The following NSMCE2 variants were observed in gnomAD, a reference collection of about 807,000 sequenced individuals.
NSMCE2 encodes the protein E3 SUMO-protein ligase NSE2.
NSMCE2 carries 24 observed loss-of-function variants against 23.8 expected under a neutral mutation model. The ratio of observed to expected loss-of-function variants is 1.01; its 90% CI spans 0.73 to 1.42. NSMCE2 has a LOEUF of 1.42. Among genes scored for constraint, NSMCE2 ranks in the 40% most tolerant of loss-of-function variants. The probability of loss-of-function intolerance (pLI) is 0.00; values close to 1 mark genes in which losing one functional copy is unlikely to be tolerated. For missense variants in NSMCE2, 284 were observed against 296.5 expected, an observed-to-expected ratio of 0.96 and a Z score of 0.31; for synonymous variants, 92 against 94.1, an observed-to-expected ratio of 0.98 and a Z score of 0.13.
intron 5 of NSMCE2, among the ~76,000 whole-genome samples, chr8:125,297,667 GAA>G (rs766647323): frequency 2.4e-5 from 3 of 122,632 alleles, no homozygotes; most frequent in East Asian, 2.4e-4. Context: ...CTTGTCTCTA[GAA>G]AAAAAAAAAA....
intron 5 of NSMCE2, among the ~76,000 whole-genome samples, chr8:125,215,401 A>C (rs1350076675): frequency 6.6e-6 from 1 of 151,790 alleles, no homozygotes; most frequent in Admixed American, 6.6e-5. Flanking sequence ...ATAGTATTCC[A>C]TGGTGTATAT....
At chr8:125,092,939 G>A (rs1752108563) in intron 1 of NSMCE2, among the ~76,000 whole-genome samples, 1 of 152,162 alleles carries the variant, frequency 6.6e-6, no homozygotes, top group Non-Finnish European at 1.5e-5. Context: ...GGATGCTTAA[G>A]AGCATCCCTG....
intron 5 of NSMCE2, among the ~76,000 whole-genome samples, chr8:125,298,687 G>GTTTT (rs35334691): frequency 2.3e-5 from 2 of 85,950 alleles, no homozygotes; most frequent in African/African-American, 5.2e-5. Flanking sequence ...TCATCTGTGG[G>GTTTT]TTTTTTTTTG....
At chr8:125,209,644 G>A (rs1382243789) in intron 5 of NSMCE2, among the ~76,000 whole-genome samples, 1 of 152,058 alleles carries the variant, frequency 6.6e-6, no homozygotes, top group East Asian at 1.9e-4. Flanking sequence ...GTTAAAATGG[G>A]ATTTAAAACA....
At chr8:125,185,147 A>G (rs77496010) in intron 5 of NSMCE2, among the ~76,000 whole-genome samples, 3,609 of 152,286 alleles carry the variant, frequency 0.024, 125 homozygotes, top group South Asian at 0.16. Flanking sequence ...GGAGAGGCCA[A>G]GATACAGCTT....
intron 3 of NSMCE2, among the ~76,000 whole-genome samples, chr8:125,133,782 C>CA (rs752957798): frequency 1.2e-3 from 174 of 145,702 alleles, no homozygotes; most frequent in Non-Finnish European, 1.9e-3. Flanking sequence ...AAAACCAAAA[C>CA]AAAAAAAAAG....
At chr8:125,102,815 T>A (rs1362476745) in intron 3 of NSMCE2, among the ~76,000 whole-genome samples, 1 of 152,196 alleles carries the variant, frequency 6.6e-6, no homozygotes, top group Non-Finnish European at 1.5e-5. Context: ...ATGATATTGT[T>A]ATTTTTCAGT....
At chr8:125,151,076 T>C (rs1820993314) in intron 3 of NSMCE2, 95 bp from the exon 4 acceptor site, 1 of 529,006 alleles carries the variant, frequency 1.9e-6, no homozygotes, top group African/African-American at 1.9e-5. Context: ...CAAAATTATT[T>C]AGACCATTGA....
chr8:125,306,779 G>A (rs1015986953), intron 5 of NSMCE2, among the ~76,000 whole-genome samples: 2 of 152,150 alleles, frequency 1.3e-5, no homozygotes, highest in African/African-American at 4.8e-5. Context: ...GGACTGTCTG[G>A]ATTTGAATTC....
At chr8:125,171,443 T>A (rs924590558) in intron 4 of NSMCE2, among the ~76,000 whole-genome samples, 20 of 152,210 alleles carry the variant, frequency 1.3e-4, no homozygotes, top group African/African-American at 4.8e-4. Context: ...TTCAACCCCT[T>A]GTAATTAGAC....
At chr8:125,251,126 T>G (rs1225869405) in intron 5 of NSMCE2, among the ~76,000 whole-genome samples, 1 of 152,188 alleles carries the variant, frequency 6.6e-6, no homozygotes, top group African/African-American at 2.4e-5. Context: ...AGCATAGTGG[T>G]TCCATAATTT....
At chr8:125,108,033 CAAAA>C (rs11292879) in intron 3 of NSMCE2, among the ~76,000 whole-genome samples, 4 of 149,332 alleles carry the variant, frequency 2.7e-5, no homozygotes. Context: ...GAGCCTGTCT[CAAAA>C]AAAAAATAAA....
chr8:125,304,936 AAAGGAAGG>A (rs201027278), intron 5 of NSMCE2, among the ~76,000 whole-genome samples: 4 of 140,994 alleles, frequency 2.8e-5, no homozygotes, highest in Non-Finnish European at 6.0e-5. Flanking sequence ...AGAAGGAAAG[AAAGGAAGG>A]AAGGAAGGAA....
chr8:125,145,060 A>G (rs968173903), intron 3 of NSMCE2, among the ~76,000 whole-genome samples: 2 of 152,232 alleles, frequency 1.3e-5, no homozygotes, highest in Non-Finnish European at 2.9e-5. Context: ...TTATGTAAAT[A>G]TTAGAGCACT....
chr8:125,238,497 A>C (rs958219599), intron 5 of NSMCE2, among the ~76,000 whole-genome samples: 1 of 152,202 alleles, frequency 6.6e-6, no homozygotes, highest in Non-Finnish European at 1.5e-5. Flanking sequence ...CTCTTAAGCA[A>C]ATCCTGGAAT....
At chr8:125,314,145 T>C (rs759746512) in intron 5 of NSMCE2, among the ~76,000 whole-genome samples, 1 of 152,230 alleles carries the variant, frequency 6.6e-6, no homozygotes, top group Non-Finnish European at 1.5e-5. Flanking sequence ...GCAAAGTCTT[T>C]AATGCTTAAG....
intron 7 of NSMCE2, among the ~76,000 whole-genome samples, chr8:125,363,679 GGGAA>G (rs1208370505): frequency 1.3e-5 from 2 of 149,060 alleles, no homozygotes; most frequent in African/African-American, 2.5e-5. Flanking sequence ...CGGGGAGGGA[GGGAA>G]GGAAGGAAGG....
chr8:125,181,060 C>T (rs900979563), intron 4 of NSMCE2, among the ~76,000 whole-genome samples: 5 of 152,072 alleles, frequency 3.3e-5, no homozygotes, highest in African/African-American at 1.2e-4. Context: ...GCAGCAGGAG[C>T]ATCAGGAAAG....
rs1471678722 is a variant in NSMCE2, at chr8:125,340,018, T to TG, written c.419-17201_419-17200insG. Among the ~76,000 whole-genome samples, 11 of 105,870 alleles carry TG rather than the reference T, an allele frequency of 1.0e-4. 1 individual carries two copies. The highest frequency in any genetic ancestry group is 4.1e-4 in the East Asian group (2 of 4,842). 69.5% of individuals were successfully genotyped at this position (105,870 alleles called of 152,430 possible). ...GACGTTGTAGTTTTTTTTTGTTTTT[T>TG]TTTTTTTTTTTTTTGAGACGGAGTC... On this transcript the variant is annotated intron_variant, in intron 5 of 7. Transcript: ENST00000287437.
Sources: allele counts gnomAD v4.1 joint callset (sites outside exome capture counted in the v4.1 genomes callset), GRCh38; gene constraint gnomAD v4.1.1; transcripts MANE v1.5; gene names NCBI Gene and HGNC (gene_info 2026-07-23, HGNC 2026-07-21).